Variants in PLPPR1 observed in about 807,000 individuals in gnomAD.
PLPPR1 encodes the protein phospholipid phosphatase-related protein type 1.
Under a neutral mutation model 33.1 loss-of-function variants are expected in PLPPR1, and 10 were observed. That is an observed-to-expected ratio of 0.30 (90% CI 0.19 to 0.51). The LOEUF is 0.51. Ranked by LOEUF, PLPPR1 falls within the 20% of genes least tolerant of loss-of-function variation. The probability of loss-of-function intolerance (pLI) is 0.97; values close to 1 mark genes in which losing one functional copy is unlikely to be tolerated. For missense variants in PLPPR1, 304 were observed against 408.1 expected (o/e 0.74, Z 2.20); for synonymous variants, 151 against 151.0 (o/e 1.00, Z 0.00).
At chr9:101,147,971 G>A (rs1831540408) in intron 1 of PLPPR1, among the ~76,000 whole-genome samples, 1 of 152,150 alleles carries the variant, frequency 6.6e-6, no homozygotes, top group African/African-American at 2.4e-5. Flanking sequence ...GGTCATAACT[G>A]AAGTCAAATT....
intron 1 of PLPPR1, among the ~76,000 whole-genome samples, chr9:101,050,892 TCTC>T (rs1001656621): frequency 1.3e-5 from 2 of 152,120 alleles, no homozygotes; most frequent in African/African-American, 4.8e-5. Flanking sequence ...CCTCTGCACA[TCTC>T]CTTTCATCCA....
intron 1 of PLPPR1, among the ~76,000 whole-genome samples, chr9:101,098,663 C>T (rs1395497036): frequency 6.6e-6 from 1 of 152,012 alleles, no homozygotes. Context: ...CAGCAAGTGG[C>T]CTCTCAAAAC....
intron 2 of PLPPR1, among the ~76,000 whole-genome samples, chr9:101,239,313 T>G (rs909514568): frequency 7.2e-5 from 11 of 151,960 alleles, no homozygotes; most frequent in Non-Finnish European, 1.6e-4. Context: ...CTACAATGGC[T>G]GTACTAATTT....
chr9:101,164,361 TTTTC>T (rs1214113045), intron 1 of PLPPR1, among the ~76,000 whole-genome samples: 19 of 119,060 alleles, frequency 1.6e-4, no homozygotes, highest in African/African-American at 3.8e-4. Flanking sequence ...TTTTCTTTTC[TTTTC>T]TTTTTTTTTT....
intron 4 of PLPPR1, among the ~76,000 whole-genome samples, chr9:101,294,301 C>T (rs1331940578): frequency 6.6e-6 from 1 of 151,754 alleles, no homozygotes; most frequent in African/African-American, 2.4e-5. Flanking sequence ...GAAATTGTGG[C>T]AATAATCAAT....
chr9:101,058,003 T>C (rs1456646325), intron 1 of PLPPR1, among the ~76,000 whole-genome samples: 1 of 152,086 alleles, frequency 6.6e-6, no homozygotes, highest in East Asian at 1.9e-4. Context: ...CTCTGCCCCA[T>C]CTGAGCCCAT....
At chr9:101,261,001 T>C (rs1176407007) in intron 2 of PLPPR1, among the ~76,000 whole-genome samples, 1 of 152,044 alleles carries the variant, frequency 6.6e-6, no homozygotes, top group African/African-American at 2.4e-5. Context: ...GAAGAGCAAA[T>C]AGAAATTTAA....
intron 4 of PLPPR1, among the ~76,000 whole-genome samples, chr9:101,301,055 ATTTG>A (rs958343887): frequency 1.3e-5 from 2 of 152,170 alleles, no homozygotes; most frequent in Admixed American, 1.3e-4. Flanking sequence ...GTAAAAATGT[ATTTG>A]TTTGTTCTTT....
At chr9:101,140,719 C>A (rs1831440450) in intron 1 of PLPPR1, among the ~76,000 whole-genome samples, 1 of 152,134 alleles carries the variant, frequency 6.6e-6, no homozygotes. Context: ...TAACCAATTA[C>A]TTACAATGGA....
At chr9:101,043,904 T>C (rs1243128721) in intron 1 of PLPPR1, among the ~76,000 whole-genome samples, 1 of 152,222 alleles carries the variant, frequency 6.6e-6, no homozygotes, top group East Asian at 1.9e-4. Flanking sequence ...TCATTAGTCA[T>C]GTTGAGTACT....
chr9:101,089,288 TATAGATAG>T lies in PLPPR1; in HGVS notation c.-46+60223_-46+60230del, dbSNP rs60312729. The stretch of plus-strand genomic sequence containing the variant: ...TACATAGTAAGTAATAAAGCTAGAA[TATAGATAG>T]ATAGATAGATAGATAGATAGATAGA... On this transcript the variant is annotated intron_variant, in intron 1 of 7. Transcript: ENST00000374874. Among the ~76,000 whole-genome samples, 681 of 150,254 alleles carry T rather than the reference TATAGATAG, an allele frequency of 4.5e-3. 2 individuals carry two copies. The highest frequency in any genetic ancestry group is 9.6e-3 in the African/African-American group (394 of 40,882).
intron 1 of PLPPR1, among the ~76,000 whole-genome samples, chr9:101,091,310 A>G (rs1406587186): frequency 6.6e-6 from 1 of 152,126 alleles, no homozygotes; most frequent in African/African-American, 2.4e-5. Context: ...TCGCAGAATT[A>G]GTGATTTAAA....
At chr9:101,236,841 G>A (rs547414799) in intron 2 of PLPPR1, among the ~76,000 whole-genome samples, 1 of 151,614 alleles carries the variant, frequency 6.6e-6, no homozygotes, top group Admixed American at 6.6e-5. Context: ...CAGACAAATA[G>A]GACTTAATTA....
chr9:101,177,770 T>C (rs960208513), intron 1 of PLPPR1, among the ~76,000 whole-genome samples: 5 of 152,192 alleles, frequency 3.3e-5, no homozygotes, highest in Non-Finnish European at 7.3e-5. Context: ...CCATTTTTTC[T>C]ATTAGGTTGT....
At chr9:101,269,743 G>A in intron 2 of PLPPR1, 137 bp from the exon 3 acceptor site, 2 of 776,434 alleles carry the variant, frequency 2.6e-6, no homozygotes, top group South Asian at 3.1e-5. Flanking sequence ...AGAGCACGCT[G>A]CGCCTGGCAC....
intron 2 of PLPPR1, among the ~76,000 whole-genome samples, chr9:101,205,448 C>T (rs1826570783): frequency 6.6e-6 from 1 of 152,092 alleles, no homozygotes; most frequent in South Asian, 2.1e-4. Flanking sequence ...TCTAAGAAGA[C>T]ATAAATCATG....
intron 2 of PLPPR1, among the ~76,000 whole-genome samples, chr9:101,195,932 A>G (rs534430192): frequency 6.6e-6 from 1 of 152,362 alleles, no homozygotes; most frequent in South Asian, 2.1e-4. Flanking sequence ...CCAGGCAACC[A>G]TTCCAAGATA....
intron 2 of PLPPR1, among the ~76,000 whole-genome samples, chr9:101,199,348 A>T (rs1356992135): frequency 2.6e-5 from 4 of 152,234 alleles, no homozygotes; most frequent in African/African-American, 9.6e-5. Context: ...TTTATCTGCT[A>T]GTCCCTGTGG....
At chr9:101,288,817 G>A (rs1486694598) in intron 4 of PLPPR1, among the ~76,000 whole-genome samples, 1 of 152,178 alleles carries the variant, frequency 6.6e-6, no homozygotes, top group Non-Finnish European at 1.5e-5. Flanking sequence ...CACTGGTTTA[G>A]GTTATTAAAA....
Sources: gnomAD v4.1 joint callset for allele counts (sites outside exome capture counted in the v4.1 genomes callset) on GRCh38, gnomAD v4.1.1 for gene constraint, MANE v1.5 for transcripts, NCBI Gene and HGNC (gene_info 2026-07-23, HGNC 2026-07-21) for gene names.